The following TRIQK variants were observed in gnomAD, a reference collection of about 807,000 sequenced individuals.
TRIQK encodes triple QxxK/R motif containing.
A neutral mutation model predicts 10.8 loss-of-function variants in TRIQK; 10 were observed. That is an observed-to-expected ratio of 0.92 (90% CI 0.57 to 1.57). The LOEUF is 1.57. Ranked by LOEUF, TRIQK falls within the 40% of genes most tolerant of loss-of-function variation. The pLI is 0.00. For synonymous variants in TRIQK, 33 were observed against 33.7 expected (o/e 0.98, Z 0.07); for missense variants, 107 against 97.7 (o/e 1.09, Z -0.40).
At chr8:93,010,738 C>G (rs561511416) in intron 1 of TRIQK, among the ~76,000 whole-genome samples, 1 of 151,998 alleles carries the variant, frequency 6.6e-6, no homozygotes, top group Non-Finnish European at 1.5e-5. Flanking sequence ...ACTTCTCAGC[C>G]ATCACATGCA....
intron 1 of TRIQK, among the ~76,000 whole-genome samples, chr8:92,960,265 C>T (rs1812385039): frequency 6.6e-6 from 1 of 152,124 alleles, no homozygotes; most frequent in Non-Finnish European, 1.5e-5. Flanking sequence ...CAAATATCCA[C>T]ACAGTGGACT....
intron 1 of TRIQK, among the ~76,000 whole-genome samples, chr8:93,017,190 A>T (rs1813393503): frequency 6.9e-6 from 1 of 145,976 alleles, no homozygotes; most frequent in Non-Finnish European, 1.5e-5. Flanking sequence ...AATATATACC[A>T]ATATCAGGAA....
chr8:92,969,747 T>C (rs1235132193), upstream of TRIQK, among the ~76,000 whole-genome samples: 2 of 151,878 alleles, frequency 1.3e-5, no homozygotes, highest in African/African-American at 2.4e-5. Flanking sequence ...CCAACTATGC[T>C]TGTGCATTTG....
At chr8:92,946,555 A>G (rs929739741) in intron 2 of TRIQK, among the ~76,000 whole-genome samples, 2 of 152,156 alleles carry the variant, frequency 1.3e-5, no homozygotes, top group African/African-American at 4.8e-5. Context: ...AAATTGCCCT[A>G]TTTAGCTCAG....
At chr8:92,958,771 T>C (rs912508607) in intron 1 of TRIQK, among the ~76,000 whole-genome samples, 2 of 151,994 alleles carry the variant, frequency 1.3e-5, no homozygotes, top group African/African-American at 4.8e-5. Flanking sequence ...AAACTTCTTC[T>C]GCTTTCTAGA....
intron 2 of TRIQK, chr8:92,926,500 T>C (rs1446180132): frequency 1.3e-5 from 2 of 152,182 alleles, no homozygotes; most frequent in African/African-American, 4.8e-5. Context: ...ACTTTGTTTT[T>C]ACTCTTTAGG....
rs149409784 is a variant in TRIQK at position 92,925,874 on chromosome 8, G to A, written c.-21-8864C>T. ...TATGTAAGAGAGATAAATGTATATG[G>A]TTACAAAAATACTTTCTACAAAAAT... On this transcript the variant is annotated intron_variant, in intron 2 of 4. Transcript: ENST00000521988. Among the ~76,000 whole-genome samples, 381 of 152,134 alleles carry A rather than the reference G, an allele frequency of 2.5e-3. 1 individual carries two copies. The highest frequency in any genetic ancestry group is 6.0e-3 in the Admixed American group (92 of 15,266).
At chr8:93,016,055 C>T (rs1343807186) in intron 1 of TRIQK, among the ~76,000 whole-genome samples, 3 of 152,204 alleles carry the variant, frequency 2.0e-5, no homozygotes, top group Admixed American at 6.5e-5. Flanking sequence ...TAATTCTTTA[C>T]TAATTCTTGA....
Position 92,884,801 on chromosome 8 carries a change from C to T in TRIQK, c.*1821G>A, listed in dbSNP as rs1017937639. ...ACGACTGTTTTAACACCATATGGAA[C>T]GGGAAATAACTAAATGAAAATTGTT... On this transcript the variant is annotated 3_prime_UTR_variant, in exon 5 of 5. Coordinates refer to ENST00000521988, the MANE Select transcript of TRIQK (RefSeq NM_001171797.2). 11 of 453,506 alleles carry T rather than the reference C, an allele frequency of 2.4e-5. 1 individual carries two copies. The highest frequency in any genetic ancestry group is 1.4e-4 in the South Asian group (9 of 64,422). 28.1% of individuals were successfully genotyped at this position (453,506 alleles called of 1,614,324 possible). A position where few individuals can be genotyped will look rare whatever the true frequency, so the allele number is the denominator to read the frequency against.
intron 3 of TRIQK, among the ~76,000 whole-genome samples, chr8:92,900,896 T>C (rs535529544): frequency 2.0e-5 from 3 of 152,250 alleles, no homozygotes; most frequent in Middle Eastern, 3.4e-3. Flanking sequence ...CCCATTTTTT[T>C]GTGTTCTCTT....
intron 1 of TRIQK, among the ~76,000 whole-genome samples, chr8:92,995,616 G>A (rs912416284): frequency 2.6e-5 from 4 of 151,292 alleles, no homozygotes; most frequent in Non-Finnish European, 5.9e-5. Flanking sequence ...CACTGATTTG[G>A]TTCACAACAG....
chr8:92,997,710 A>G (rs1010899942), intron 1 of TRIQK, among the ~76,000 whole-genome samples: 8 of 152,102 alleles, frequency 5.3e-5, no homozygotes, highest in African/African-American at 1.4e-4. Flanking sequence ...GAATCAATCA[A>G]TGAATTAATC....
intron 1 of TRIQK, among the ~76,000 whole-genome samples, chr8:92,982,331 G>A (rs1180969414): frequency 1.3e-5 from 2 of 151,848 alleles, no homozygotes; most frequent in Non-Finnish European, 2.9e-5. Context: ...TTTTAGTAGT[G>A]TATATTCCTT....
In TRIQK at chr8:93,008,440, T is replaced by C. The variant is rs1401245763; in HGVS notation, c.-181+9169A>G. ...TACATATTCAATGTAGATGACTACATTTTGATATTCTCTATCAAAAGAATA... is the reference window on the plus strand; with the variant it reads ...TACATATTCAATGTAGATGACTACACTTTGATATTCTCTATCAAAAGAATA... On this transcript the variant is annotated intron_variant, in intron 1 of 4. Transcript: ENST00000520686. Among the ~76,000 whole-genome samples the C allele has an allele frequency of 2.0e-5, 3 of 152,176 alleles. No homozygotes were observed. The East Asian group carries it at 5.8e-4, about 29-fold the overall frequency.
intron 3 of TRIQK, 119 bp from the exon 4 acceptor site, chr8:92,892,193 G>C: frequency 3.1e-6 from 2 of 653,594 alleles, no homozygotes; most frequent in South Asian, 4.4e-5. Context: ...TTGCAAAGTA[G>C]TTCCCAGTTG....
chr8:92,913,426 CTCATGACAGTCAGAATGGCAA>C (rs1809670754), intron 3 of TRIQK, among the ~76,000 whole-genome samples: 1 of 152,180 alleles, frequency 6.6e-6, no homozygotes, highest in African/African-American at 2.4e-5. Flanking sequence ...GAGACACCAT[CTCATGACAGTCAGAATGGCAA>C]TCATTAAAAA....
chr8:92,972,402 G>T (rs62520821), intron 1 of TRIQK, among the ~76,000 whole-genome samples: 1 of 151,804 alleles, frequency 6.6e-6, no homozygotes, highest in Non-Finnish European at 1.5e-5. Flanking sequence ...TGCTTCTAAT[G>T]GTTCTTTAGC....
At chr8:92,978,134 G>A (rs971875718) in intron 1 of TRIQK, among the ~76,000 whole-genome samples, 1 of 152,162 alleles carries the variant, frequency 6.6e-6, no homozygotes, top group Non-Finnish European at 1.5e-5. Flanking sequence ...CTCTGTAGTT[G>A]TCTCCTGTCT....
chr8:92,967,515 T>G (rs2130734424), upstream of TRIQK, among the ~76,000 whole-genome samples: 1 of 152,232 alleles, frequency 6.6e-6, no homozygotes, highest in Admixed American at 6.5e-5. Context: ...CCCATTTTCT[T>G]TAATCTTTTA....
Sources: gnomAD v4.1 joint callset for allele counts (sites outside exome capture counted in the v4.1 genomes callset) on GRCh38, gnomAD v4.1.1 for gene constraint, MANE v1.5 for transcripts, NCBI Gene and HGNC (gene_info 2026-07-23, HGNC 2026-07-21) for gene names.